The following CSMD1 variants were observed in gnomAD, a reference collection of about 807,000 sequenced individuals.
The protein encoded by CSMD1 is CUB and Sushi multiple domains 1.
CSMD1 carries 213 observed loss-of-function variants against 417.5 expected under a neutral mutation model. That is an observed-to-expected ratio of 0.51 (90% CI 0.46 to 0.57). The LOEUF is 0.57. Ranked by LOEUF, CSMD1 falls within the 20% of genes least tolerant of loss-of-function variation. CSMD1 has a pLI of 0.00. For missense variants in CSMD1, 6,923 were observed against 4,529.7 expected, an observed-to-expected ratio of 1.53 and a Z score of -15.17; for synonymous variants, 2,862 against 1,736.8, an observed-to-expected ratio of 1.65 and a Z score of -16.11.
chr8:4,493,761 G>C (rs1004799099), intron 2 of CSMD1, among the ~76,000 whole-genome samples: 9 of 152,106 alleles, frequency 5.9e-5, no homozygotes, highest in African/African-American at 2.2e-4. Context: ...AATTTAAATA[G>C]AATCAACTCT....
At chr8:4,877,462 A>G (rs1440277100) in intron 1 of CSMD1, among the ~76,000 whole-genome samples, 1 of 152,132 alleles carries the variant, frequency 6.6e-6, no homozygotes, top group African/African-American at 2.4e-5. Context: ...GATGTTATAA[A>G]GTCATATTTG....
intron 2 of CSMD1, among the ~76,000 whole-genome samples, chr8:4,444,008 C>G (rs1798634355): frequency 6.6e-6 from 1 of 151,976 alleles, no homozygotes; most frequent in Non-Finnish European, 1.5e-5. Flanking sequence ...AGAATGGTGA[C>G]ATGTTAAGGA....
intron 1 of CSMD1, among the ~76,000 whole-genome samples, chr8:4,974,313 T>A (rs1415824470): frequency 6.6e-6 from 1 of 152,002 alleles, no homozygotes; most frequent in East Asian, 1.9e-4. Context: ...GGCGCAAGAT[T>A]TTATTTTTGA....
chr8:3,138,270 G>T (rs1257153333), intron 41 of CSMD1, among the ~76,000 whole-genome samples: 1 of 152,122 alleles, frequency 6.6e-6, no homozygotes, highest in African/African-American at 2.4e-5. Flanking sequence ...TTAAAATAAG[G>T]CAGCTTCCTT....
chr8:4,534,596 C>G (rs1298021113), intron 2 of CSMD1, among the ~76,000 whole-genome samples: 3 of 152,086 alleles, frequency 2.0e-5, no homozygotes, highest in Non-Finnish European at 4.4e-5. Context: ...CCCTCTTTCC[C>G]CATTCTAGTA....
At chr8:4,411,714 A>G (rs577368507) in intron 3 of CSMD1, among the ~76,000 whole-genome samples, 6 of 152,174 alleles carry the variant, frequency 3.9e-5, no homozygotes, top group African/African-American at 9.7e-5. Flanking sequence ...GCATATATAT[A>G]TGTGTGCTAT....
Position 3,332,019 on chromosome 8 carries a change from G to C in CSMD1, c.3631+11275C>G, listed in dbSNP as rs115880526. Among the ~76,000 whole-genome samples, 1,286 of 152,276 alleles carry C rather than the reference G, an allele frequency of 8.4e-3. 19 individuals carry two copies. Among genetic ancestry groups the C allele is most frequent in the African/African-American group, 0.03 (1,228 of 41,554 alleles). On this transcript the variant is annotated intron_variant, in intron 23 of 69. Transcript: ENST00000635120. ...TCAATCAGTAGATACATATGTAATA[G>C]ATGGATATAGACAGAATGATAATAG...
At chr8:3,747,241 C>G (rs1432808243) in intron 6 of CSMD1, among the ~76,000 whole-genome samples, 1 of 152,144 alleles carries the variant, frequency 6.6e-6, no homozygotes, top group Non-Finnish European at 1.5e-5. Flanking sequence ...AGAGTTGAAG[C>G]TTCTTTCTGT....
intron 3 of CSMD1, among the ~76,000 whole-genome samples, chr8:4,295,659 C>G (rs1469007924): frequency 7.2e-6 from 1 of 139,268 alleles, no homozygotes; most frequent in Non-Finnish European, 1.5e-5. Context: ...AAAATATAAT[C>G]TTAAGATTAC....
At chr8:4,891,764 T>G (rs1325507214) in intron 1 of CSMD1, among the ~76,000 whole-genome samples, 1 of 152,146 alleles carries the variant, frequency 6.6e-6, no homozygotes, top group African/African-American at 2.4e-5. Flanking sequence ...ACTCCCTAGT[T>G]ATTTCAGTCA....
At chr8:4,950,714 G>A (rs1270856567) in intron 1 of CSMD1, among the ~76,000 whole-genome samples, 1 of 152,104 alleles carries the variant, frequency 6.6e-6, no homozygotes, top group Non-Finnish European at 1.5e-5. Context: ...AAAAAGAGTT[G>A]GTCATTGAAT....
chr8:3,110,227 G>A lies in CSMD1; in HGVS notation c.6539C>T (p.Pro2180Leu). 6.2e-7 allele frequency: 1 copy of A among 1,613,094 alleles called. No homozygotes were observed. The highest frequency in any genetic ancestry group is 8.5e-7 in the Non-Finnish European group (1 of 1,179,514). ...GAAGTTGATGTAAACTCCGTGCCCTGGAGGCACCGTGATGAGCCAAATGCA... is the reference window on the plus strand; with the variant it reads ...GAAGTTGATGTAAACTCCGTGCCCTAGAGGCACCGTGATGAGCCAAATGCA... The part of the protein sequence containing the change: ...KDCIWLITVP[P>L]GHGVYINFTL... Residue 2180 changes from proline (P) to leucine (L), a missense_variant, in exon 43 of 70, where the codon CCA (proline) becomes CTA (leucine). Transcript: ENST00000635120.
At chr8:4,204,260 C>T (rs1353225762) in intron 3 of CSMD1, among the ~76,000 whole-genome samples, 1 of 150,252 alleles carries the variant, frequency 6.7e-6, no homozygotes, top group Non-Finnish European at 1.5e-5. Context: ...TTATGCAATG[C>T]TAGGAAAAAA....
At chr8:3,908,086 G>C (rs1458471334) in intron 5 of CSMD1, among the ~76,000 whole-genome samples, 2 of 152,130 alleles carry the variant, frequency 1.3e-5, no homozygotes, top group African/African-American at 4.8e-5. Context: ...GGAGGTCAAA[G>C]CCCTAATGTC....
intron 7 of CSMD1, among the ~76,000 whole-genome samples, chr8:3,706,360 C>T (rs574027651): frequency 6.6e-6 from 1 of 152,344 alleles, no homozygotes; most frequent in Non-Finnish European, 1.5e-5. Flanking sequence ...GTCCTTTCAT[C>T]AGTGAAACAA....
chr8:4,099,700 C>G (rs1034099257), intron 3 of CSMD1, among the ~76,000 whole-genome samples: 7 of 152,112 alleles, frequency 4.6e-5, no homozygotes, highest in African/African-American at 1.2e-4. Flanking sequence ...AAAACCTCTT[C>G]TTTTCTTTTG....
chr8:3,243,928 G>A (rs1427136146), intron 26 of CSMD1, among the ~76,000 whole-genome samples: 3 of 152,118 alleles, frequency 2.0e-5, no homozygotes, highest in Admixed American at 6.6e-5. Flanking sequence ...TAAACGTTAT[G>A]TAAAATTTTA....
intron 5 of CSMD1, among the ~76,000 whole-genome samples, chr8:3,778,079 G>A (rs1335042979): frequency 6.6e-6 from 1 of 152,248 alleles, no homozygotes; most frequent in Admixed American, 6.5e-5. Context: ...GGAAACTGGA[G>A]TTTGAGAGCT....
chr8:3,391,135 T>C (rs575489396), intron 17 of CSMD1, among the ~76,000 whole-genome samples: 198 of 151,598 alleles, frequency 1.3e-3, no homozygotes, highest in Non-Finnish European at 2.3e-3. Flanking sequence ...CCACTCTCCT[T>C]TCCTTTTCTG....
Sources: gnomAD v4.1 joint callset for allele counts (sites outside exome capture counted in the v4.1 genomes callset) on GRCh38, gnomAD v4.1.1 for gene constraint, MANE v1.5 for transcripts, NCBI Gene and HGNC (gene_info 2026-07-23, HGNC 2026-07-21) for gene names.